GJB7: variants seen among roughly 807,000 people sequenced by gnomAD.
GJB7 encodes the protein gap junction beta-7 protein.
For synonymous variants in GJB7, 87 were observed against 95.2 expected (o/e 0.91, Z 0.50); for missense variants, 253 against 256.8 (o/e 0.99, Z 0.10).
chr6:87,295,408 T>C (rs1776235223), intron 2 of GJB7, among the ~76,000 whole-genome samples: 1 of 152,196 alleles, frequency 6.6e-6, no homozygotes, highest in Admixed American at 6.5e-5. Context: ...ATCTGTCAAA[T>C]GACAAGTGTT....
rs1202151470 is a variant in GJB7 at position 87,283,600 on chromosome 6, ATGTTCCTCTGTG to A, written c.*629_*640del. 6.6e-6 allele frequency: 1 copy of A among 152,428 alleles called. No homozygotes were observed. The highest frequency in any genetic ancestry group is 1.5e-5 in the Non-Finnish European group (1 of 68,232). The allele number at this position is 152,428 out of a possible 1,614,324, so 9.4% of individuals were successfully genotyped here. A position where few individuals can be genotyped will look rare whatever the true frequency, so the allele number is the denominator to read the frequency against. On this transcript the variant is annotated 3_prime_UTR_variant, in exon 3 of 3. Transcript: ENST00000525899. ...TCCCTAGGCGGGACCTTCCTGTTGA[ATGTTCCTCTGTG>A]TGTCCCCAGCTGGCTGCTATCCTAT...
chr6:87,290,064 G>A (rs183814564), intron 2 of GJB7, among the ~76,000 whole-genome samples: 3 of 152,304 alleles, frequency 2.0e-5, no homozygotes, highest in African/African-American at 7.2e-5. Context: ...TTGGGCACTT[G>A]ACCATTTATG....
At chr6:87,290,217 T>G (rs1007714959) in intron 2 of GJB7, among the ~76,000 whole-genome samples, 3 of 152,196 alleles carry the variant, frequency 2.0e-5, no homozygotes, top group Non-Finnish European at 2.9e-5. Flanking sequence ...AATAAGTCAG[T>G]AGCAAATCCA....
chr6:87,307,436 G>A (rs976465551), intron 2 of GJB7, among the ~76,000 whole-genome samples: 9 of 152,038 alleles, frequency 5.9e-5, no homozygotes, highest in Admixed American at 2.6e-4. Flanking sequence ...GAGTGAACAG[G>A]CAACCTACAG....
rs1353945441 is a variant in GJB7 at position 87,288,327 on chromosome 6, G to A, written c.-27-3388C>T. ...TCAGAGACCTATCACTCTTTCATAT[G>A]TATATATTTGGTTCTTGTAACAATT... is the stretch of plus-strand genomic sequence containing the variant. On this transcript the variant is annotated intron_variant, in intron 2 of 2. Transcript: ENST00000525899. Among the ~76,000 whole-genome samples, 5 of 152,136 alleles carry A rather than the reference G, an allele frequency of 3.3e-5. No homozygotes were observed. The South Asian group carries it at 6.2e-4, about 19-fold the overall frequency.
In GJB7 at chr6:87,328,946, A is replaced by G. The variant is rs531672725; in HGVS notation, c.-206+192T>C. 6.6e-5 allele frequency among the ~76,000 whole-genome samples: 10 copies of G among 152,200 alleles called. No individual in the cohort carries two copies. In the South Asian group the frequency reaches 1.2e-3, roughly 19 times the overall value. ...CCCTCCGAACCACGTGCGGGATATA[A>G]TCTCGTGGTGCGCCATTTTTTAAGC... On this transcript the variant is annotated intron_variant, in intron 1 of 2. Transcript: ENST00000525899.
intron 2 of GJB7, among the ~76,000 whole-genome samples, chr6:87,303,534 T>C (rs777594219): frequency 1.2e-4 from 18 of 152,128 alleles, no homozygotes; most frequent in Non-Finnish European, 2.5e-4. Flanking sequence ...AAGCAAGCCC[T>C]TAGAGACCTA....
chr6:87,304,600 G>A (rs1776391001), intron 2 of GJB7, among the ~76,000 whole-genome samples: 1 of 152,114 alleles, frequency 6.6e-6, no homozygotes, highest in Admixed American at 6.5e-5. Flanking sequence ...AGAGGTACAA[G>A]GAGGAGTTGG....
intron 2 of GJB7, among the ~76,000 whole-genome samples, chr6:87,315,987 G>T (rs961824641): frequency 1.3e-5 from 2 of 151,958 alleles, no homozygotes; most frequent in African/African-American, 4.8e-5. Flanking sequence ...TCTGTCATTT[G>T]CAACTGAAAT....
At chr6:87,305,701 A>G (rs1776415210) in intron 2 of GJB7, among the ~76,000 whole-genome samples, 1 of 152,220 alleles carries the variant, frequency 6.6e-6, no homozygotes, top group African/African-American at 2.4e-5. Context: ...GGAACCAAAA[A>G]AGAGCCAGCA....
At chr6:87,304,041 T>G (rs1265593660) in intron 2 of GJB7, among the ~76,000 whole-genome samples, 2 of 152,116 alleles carry the variant, frequency 1.3e-5, no homozygotes, top group Non-Finnish European at 1.5e-5. Context: ...TATAGGGAAA[T>G]TTATAGCACT....
intron 1 of GJB7, among the ~76,000 whole-genome samples, chr6:87,325,100 T>TTA (rs1186073056): frequency 6.6e-6 from 1 of 152,142 alleles, no homozygotes; most frequent in Non-Finnish European, 1.5e-5. Flanking sequence ...TGCTTGTGAT[T>TTA]TTTGTACATT....
chr6:87,307,378 A>G (rs1270208192), intron 2 of GJB7, among the ~76,000 whole-genome samples: 1 of 152,130 alleles, frequency 6.6e-6, no homozygotes, highest in South Asian at 2.1e-4. Flanking sequence ...GACAAATGAG[A>G]TCTAATTAAA....
intron 2 of GJB7, among the ~76,000 whole-genome samples, chr6:87,296,762 G>C (rs1052568484): frequency 5.3e-5 from 8 of 152,154 alleles, no homozygotes; most frequent in African/African-American, 1.4e-4. Flanking sequence ...AGACTATTAG[G>C]GGAAGGGGGT....
intron 2 of GJB7, among the ~76,000 whole-genome samples, chr6:87,285,871 C>T (rs1481642061): frequency 2.6e-5 from 4 of 152,156 alleles, no homozygotes; most frequent in South Asian, 4.2e-4. Context: ...TTGTACTTAA[C>T]GTTTATGCTA....
intron 1 of GJB7, among the ~76,000 whole-genome samples, chr6:87,326,127 T>A (rs1776814871): frequency 6.6e-6 from 1 of 152,228 alleles, no homozygotes; most frequent in East Asian, 1.9e-4. Flanking sequence ...TTTTATCATT[T>A]TTTATTGCGT....
At chr6:87,300,439 G>A (rs534882462) in intron 2 of GJB7, 28 of 245,992 alleles carry the variant, frequency 1.1e-4, no homozygotes, top group African/African-American at 5.4e-4. Flanking sequence ...AATGGGAGGT[G>A]AGATGTTCTT....
intron 2 of GJB7, among the ~76,000 whole-genome samples, chr6:87,302,369 T>A (rs1459891040): frequency 1.3e-5 from 2 of 152,130 alleles, no homozygotes; most frequent in African/African-American, 4.8e-5. Flanking sequence ...GCACGAGAAC[T>A]ACATAACCAA....
intron 2 of GJB7, among the ~76,000 whole-genome samples, chr6:87,307,235 T>G (rs1487761673): frequency 1.4e-5 from 2 of 147,276 alleles, no homozygotes; most frequent in Non-Finnish European, 3.0e-5. Flanking sequence ...AAAGATGGAT[T>G]AAAGACTTAA....
Sources: gnomAD v4.1 joint callset for allele counts (sites outside exome capture counted in the v4.1 genomes callset) on GRCh38, gnomAD v4.1.1 for gene constraint, MANE v1.5 for transcripts, NCBI Gene and HGNC (gene_info 2026-07-23, HGNC 2026-07-21) for gene names.